Variants in MTOR observed in about 807,000 individuals in gnomAD.
The protein encoded by MTOR is serine/threonine-protein kinase mTOR.
MTOR carries 70 observed loss-of-function variants against 319.8 expected under a neutral mutation model. The ratio of observed to expected loss-of-function variants is 0.22; its 90% CI spans 0.18 to 0.27. The LOEUF (loss-of-function observed/expected upper bound fraction) is 0.27. Ranked by LOEUF, MTOR falls within the 10% of genes least tolerant of loss-of-function variation. The pLI is 1.00. For missense variants in MTOR, 1,890 were observed against 3,274.4 expected, an observed-to-expected ratio of 0.58 and a Z score of 10.32; for synonymous variants, 1,183 against 1,211.4, an observed-to-expected ratio of 0.98 and a Z score of 0.49.
chr1:11,113,034 A>C, intron 53 of MTOR, 117 bp from the exon 54 acceptor site: 2 of 1,055,658 alleles, frequency 1.9e-6, no homozygotes, highest in Non-Finnish European at 2.8e-6. Flanking sequence ...GCCCCAAAAA[A>C]AGAGATGACA....
chr1:11,147,723 G>C (rs1036727606), intron 31 of MTOR, among the ~76,000 whole-genome samples: 1 of 152,204 alleles, frequency 6.6e-6, no homozygotes, highest in African/African-American at 2.4e-5. Context: ...GAAGAGAATG[G>C]AGGTAGAGGG....
intron 36 of MTOR, among the ~76,000 whole-genome samples, chr1:11,135,802 C>T (rs1397091096): frequency 6.7e-6 from 1 of 148,836 alleles, no homozygotes; most frequent in Non-Finnish European, 1.5e-5. Flanking sequence ...CACTGCATTC[C>T]AACCTGGGCA....
intron 6 of MTOR, among the ~76,000 whole-genome samples, chr1:11,252,894 G>A (rs570668964): frequency 3.9e-5 from 6 of 152,288 alleles, no homozygotes; most frequent in South Asian, 2.1e-4. Flanking sequence ...TCTGGCAGCC[G>A]TGAGAATGCA....
rs2100413864 is a variant in MTOR at position 11,128,081 on chromosome 1, C to T, written c.5956G>A (p.Ala1986Thr). ...LTVASKSTTT[A>T]RHNAANKILK... ...ATCTTGTTGGCTGCATTGTGCCGGG[C>T]TGTCGTGGTAGACTTAGAAGCCACT... The change falls in exon 43 of 58, where the codon GCC (alanine) becomes ACC (threonine). Residue 1986 changes from alanine (A) to threonine (T), a missense_variant. Coordinates refer to ENST00000361445, the MANE Select transcript of MTOR (RefSeq NM_004958.4). The surrounding 1 kb of genome is among the most constrained non-coding windows in gnomAD (Gnocchi z 5.3). 6.2e-7 allele frequency: 1 copy of T among 1,614,158 alleles called. No homozygotes were observed. Among genetic ancestry groups the T allele is most frequent in the Non-Finnish European group, 8.5e-7 (1 of 1,180,038 alleles).
At chr1:11,122,728 C>T (rs1002062081) in intron 47 of MTOR, among the ~76,000 whole-genome samples, 1 of 151,858 alleles carries the variant, frequency 6.6e-6, no homozygotes, top group Admixed American at 6.6e-5. Flanking sequence ...AGACTGGTCT[C>T]GAACTCCTGA....
At chr1:11,146,046 C>G (rs1643917879) in intron 32 of MTOR, among the ~76,000 whole-genome samples, 1 of 152,154 alleles carries the variant, frequency 6.6e-6, no homozygotes, top group Admixed American at 6.5e-5. Context: ...TGGGGGACGC[C>G]ACAGCACTGC....
At chr1:11,122,914 G>A (rs187255951) in intron 47 of MTOR, among the ~76,000 whole-genome samples, 4 of 152,354 alleles carry the variant, frequency 2.6e-5, no homozygotes, top group African/African-American at 9.6e-5. Flanking sequence ...TGCACTGATG[G>A]TGCAGTGAAA....
At chr1:11,216,425 G>A (rs749550384) in intron 19 of MTOR, among the ~76,000 whole-genome samples, 191 bp from the exon 20 acceptor site, 34 of 152,126 alleles carry the variant, frequency 2.2e-4, no homozygotes, top group African/African-American at 7.5e-4. Context: ...AGGCCAAGGC[G>A]GGAGGACTGC....
At chr1:11,249,116 C>T (rs531309948) in intron 6 of MTOR, among the ~76,000 whole-genome samples, 1 of 151,600 alleles carries the variant, frequency 6.6e-6, no homozygotes, top group African/African-American at 2.4e-5. Flanking sequence ...CCCAGCTACT[C>T]GGGAGGCTGA....
chr1:11,251,426 C>G (rs1467442342), intron 6 of MTOR, among the ~76,000 whole-genome samples: 1 of 152,176 alleles, frequency 6.6e-6, no homozygotes, highest in Non-Finnish European at 1.5e-5. Flanking sequence ...CTCTATTCCC[C>G]TTCCTTGCCC....
At chr1:11,165,314 G>A (rs929339869) in intron 29 of MTOR, among the ~76,000 whole-genome samples, 4 of 152,204 alleles carry the variant, frequency 2.6e-5, no homozygotes, top group Non-Finnish European at 4.4e-5. Context: ...GTCCCTGTTT[G>A]CAGGTGACAT....
chr1:11,225,178 T>C (rs1036867731), intron 19 of MTOR, among the ~76,000 whole-genome samples: 5 of 152,200 alleles, frequency 3.3e-5, no homozygotes. Context: ...TTTTACGGTA[T>C]GTAAATTTTA....
At chr1:11,195,231 G>A (rs935380513) in intron 28 of MTOR, 35 of 575,022 alleles carry the variant, frequency 6.1e-5, no homozygotes, top group Middle Eastern at 4.7e-4. Context: ...TAAACCCACT[G>A]GGTCCTGCCA....
intron 28 of MTOR, among the ~76,000 whole-genome samples, chr1:11,198,085 T>C (rs1373714702): frequency 1.3e-5 from 2 of 151,872 alleles, no homozygotes; most frequent in Non-Finnish European, 2.9e-5. Context: ...GCAAGGAAAT[T>C]AATATGCAAA....
intron 28 of MTOR, chr1:11,189,977 G>T: frequency 6.3e-7 from 1 of 1,584,182 alleles, no homozygotes; most frequent in South Asian, 1.2e-5. Context: ...AGTCCCCTGA[G>T]GGAGCGTGGA....
intron 36 of MTOR, chr1:11,139,102 A>G: frequency 1.6e-6 from 1 of 616,014 alleles, no homozygotes; most frequent in Non-Finnish European, 2.7e-6. Context: ...TGGTTTGATC[A>G]ATGGTATACA....
chr1:11,136,209 G>A (rs1206889633), intron 36 of MTOR, among the ~76,000 whole-genome samples: 1 of 152,154 alleles, frequency 6.6e-6, no homozygotes, highest in East Asian at 1.9e-4. Flanking sequence ...CTAGCTTGGG[G>A]GCCAGGACCA....
chr1:11,198,575 A>C (rs2100741477), intron 28 of MTOR, among the ~76,000 whole-genome samples: 1 of 152,338 alleles, frequency 6.6e-6, no homozygotes, highest in South Asian at 2.1e-4. Context: ...ATTCACATGA[A>C]GATAATGAGA....
At position 11,130,616 on chromosome 1, in the gene MTOR, G is replaced by T; in HGVS notation, c.5526C>A (p.Ala1842=). 6.2e-7 allele frequency: 1 copy of T among 1,613,780 alleles called. No homozygotes were observed. Among genetic ancestry groups the T allele is most frequent in the Non-Finnish European group, 8.5e-7 (1 of 1,179,778 alleles). ...ATTAATATTT[A]STEGSNSESE... is the part of the protein sequence containing the mutation. ...TCTCACTGTTGCTGCCCTCGGTGCT[G>T]GCAGTGGTGGTGGCAGTGGCGGCCG... The change falls in exon 39 of 58, where the codon GCC becomes GCA. Residue 1842 remains alanine, a synonymous_variant. Transcript: ENST00000361445.
Sources: allele counts gnomAD v4.1 joint callset (sites outside exome capture counted in the v4.1 genomes callset), GRCh38; gene constraint gnomAD v4.1.1; non-coding constraint Gnocchi (gnomAD v3.1); transcripts MANE v1.5; gene names NCBI Gene and HGNC (gene_info 2026-07-23, HGNC 2026-07-21).